Variants in SUSD1 observed in about 807,000 individuals in gnomAD.
SUSD1 encodes the protein sushi domain containing 1.
Under a neutral mutation model 86.9 loss-of-function variants are expected in SUSD1, and 65 were observed. The observed-to-expected ratio is 0.75, with a 90% CI of 0.61 to 0.92. The LOEUF is 0.92. Among genes scored for constraint, SUSD1 ranks in the 40% least tolerant of loss-of-function variants. The pLI is 0.00. For synonymous variants in SUSD1, 346 were observed against 350.0 expected (o/e 0.99, Z 0.13); for missense variants, 850 against 929.7 (o/e 0.91, Z 1.11).
intron 5 of SUSD1, among the ~76,000 whole-genome samples, chr9:112,136,898 C>T (rs1214341400): frequency 1.3e-5 from 2 of 152,102 alleles, no homozygotes; most frequent in East Asian, 1.9e-4. Flanking sequence ...CCCTTCTGGC[C>T]GGGTCCTAGA....
At chr9:112,140,996 A>T (rs1434142855) in intron 5 of SUSD1, among the ~76,000 whole-genome samples, 1 of 152,260 alleles carries the variant, frequency 6.6e-6, no homozygotes, top group Non-Finnish European at 1.5e-5. Flanking sequence ...AAAGATAAAA[A>T]AATGATACAC....
In SUSD1 at chr9:112,112,798, T is replaced by C. The variant is rs1216029595; in HGVS notation, c.957A>G (p.Arg319=). Residue 319 remains arginine (R), a synonymous_variant, in exon 7 of 17, where the codon AGA becomes AGG. Transcript: ENST00000374270. ...CATATGAGATCTTGGGGTTTATTCT[T>C]CTTGAGTTTATTTGCCATCTCACAC... is the stretch of plus-strand genomic sequence containing the variant. ...DTCVRWQINS[R]RINPKISYVI... is the part of the protein sequence containing the mutation. 3.1e-6 allele frequency: 5 copies of C among 1,612,950 alleles called. No homozygotes were observed. The highest frequency in any genetic ancestry group is 1.1e-5 in the South Asian group (1 of 91,058).
At chr9:112,073,932 A>T (rs1829401556) in intron 12 of SUSD1, among the ~76,000 whole-genome samples, 1 of 151,978 alleles carries the variant, frequency 6.6e-6, no homozygotes, top group African/African-American at 2.4e-5. Flanking sequence ...AAGGAAGGGA[A>T]GGAGGCCAGT....
intron 2 of SUSD1, among the ~76,000 whole-genome samples, chr9:112,155,107 C>A (rs76298356): frequency 0.13 from 19,264 of 151,928 alleles, 1,609 homozygotes; most frequent in East Asian, 0.34. Context: ...AAAAATTAGC[C>A]GGGCGTGGTG....
chr9:112,120,950 T>G (rs1351435988), intron 6 of SUSD1, among the ~76,000 whole-genome samples: 1 of 152,214 alleles, frequency 6.6e-6, no homozygotes, highest in Non-Finnish European at 1.5e-5. Flanking sequence ...TCGGGAATAC[T>G]TCCCCAAACA....
intron 10 of SUSD1, among the ~76,000 whole-genome samples, chr9:112,089,650 A>G (rs868281099): frequency 2.6e-5 from 4 of 152,168 alleles, no homozygotes; most frequent in Admixed American, 6.5e-5. Flanking sequence ...TGTCTTTACT[A>G]AAAATACAAA....
intron 5 of SUSD1, among the ~76,000 whole-genome samples, chr9:112,140,190 G>A (rs191887908): frequency 7.8e-6 from 1 of 127,910 alleles, no homozygotes; most frequent in East Asian, 2.0e-4. Context: ...GTGAAACCCC[G>A]TCTCTACCAA....
chr9:112,055,982 T>G (rs1828430318), intron 14 of SUSD1, among the ~76,000 whole-genome samples: 2 of 152,172 alleles, frequency 1.3e-5, no homozygotes, highest in South Asian at 4.1e-4. Flanking sequence ...AAAGTAGGGC[T>G]GGGCGTGATG....
At chr9:112,053,201 T>C (rs1166831362) in intron 14 of SUSD1, among the ~76,000 whole-genome samples, 1 of 152,064 alleles carries the variant, frequency 6.6e-6, no homozygotes, top group African/African-American at 2.4e-5. Flanking sequence ...TAATTTTTTT[T>C]TTAATTTAAG....
At chr9:112,172,598 A>T (rs369420698) in intron 1 of SUSD1, among the ~76,000 whole-genome samples, 1 of 152,190 alleles carries the variant, frequency 6.6e-6, no homozygotes, top group Non-Finnish European at 1.5e-5. Context: ...ACAACTAATC[A>T]TCTTTCTTTC....
At position 112,051,513 on chromosome 9, in the gene SUSD1, C is replaced by A. The variant is rs1023949380; in HGVS notation, c.2149+886G>T. ...ATGGCGCGATCTCGGCTCACCGCAA[C>A]CTTTGCCTCCCGGGTTCAAGTGATT... On this transcript the variant is annotated intron_variant, in intron 15 of 16. Transcript: ENST00000374270. 3.8e-4 allele frequency among the ~76,000 whole-genome samples: 56 copies of A among 148,578 alleles called. 1 individual carries two copies. The highest frequency in any genetic ancestry group is 1.2e-3 in the African/African-American group (50 of 40,146).
rs564151323 is a variant in SUSD1 at position 112,139,515 on chromosome 9, G to A, written c.706+2805C>T. Reference sequence around the variant, plus strand: ...GGCTGGAGGGCAGGGTGTGATCATGGCTCACTGCAGCCTCAACCTCACAGG... The same window carrying A: ...GGCTGGAGGGCAGGGTGTGATCATGACTCACTGCAGCCTCAACCTCACAGG... On this transcript the variant is annotated intron_variant, in intron 5 of 16. Coordinates refer to ENST00000374270, the MANE Select transcript of SUSD1 (RefSeq NM_022486.5). Among the ~76,000 whole-genome samples the A allele has an allele frequency of 3.9e-4, 60 of 152,066 alleles. 1 individual carries two copies. The highest frequency in any genetic ancestry group is 1.3e-3 in the African/African-American group (54 of 41,476).
chr9:112,153,795 G>A (rs1833174135), intron 2 of SUSD1, among the ~76,000 whole-genome samples: 1 of 151,698 alleles, frequency 6.6e-6, no homozygotes, highest in Non-Finnish European at 1.5e-5. Flanking sequence ...TGTATTTTTA[G>A]TAGAGATGGG....
chr9:112,172,275 C>CCTCT (rs1442120478), intron 1 of SUSD1, among the ~76,000 whole-genome samples: 2 of 152,090 alleles, frequency 1.3e-5, no homozygotes, highest in African/African-American at 4.8e-5. Flanking sequence ...TAGCTCTCAC[C>CCTCT]CTCTCTCCTC....
intron 8 of SUSD1, chr9:112,104,858 A>G (rs1272845551): frequency 6.6e-6 from 1 of 152,204 alleles, no homozygotes; most frequent in Non-Finnish European, 1.5e-5. Context: ...CTGCAAAATG[A>G]TTCTACAAAG....
chr9:112,142,196 A>T, intron 5 of SUSD1, 124 bp downstream of exon 5: 1 of 778,752 alleles, frequency 1.3e-6, no homozygotes, highest in African/African-American at 1.8e-5. Context: ...AATCTATGAG[A>T]AACAAATAGG....
chr9:112,128,236 G>A (rs1306148071), intron 5 of SUSD1, among the ~76,000 whole-genome samples: 1 of 151,930 alleles, frequency 6.6e-6, no homozygotes, highest in East Asian at 1.9e-4. Context: ...GGGACTACAG[G>A]CATGCACCAC....
At chr9:112,146,340 T>C (rs1411600452) in intron 3 of SUSD1, among the ~76,000 whole-genome samples, 1 of 152,146 alleles carries the variant, frequency 6.6e-6, no homozygotes, top group Non-Finnish European at 1.5e-5. Context: ...TAGCACAACT[T>C]TGTGAATATA....
At chr9:112,138,708 A>G (rs1162540971) in intron 5 of SUSD1, among the ~76,000 whole-genome samples, 1 of 152,174 alleles carries the variant, frequency 6.6e-6, no homozygotes, top group Non-Finnish European at 1.5e-5. Flanking sequence ...TTGGCCTCCC[A>G]AAGTGCTGAG....
Sources: gnomAD v4.1 joint callset for allele counts (sites outside exome capture counted in the v4.1 genomes callset) on GRCh38, gnomAD v4.1.1 for gene constraint, MANE v1.5 for transcripts, NCBI Gene and HGNC (gene_info 2026-07-23, HGNC 2026-07-21) for gene names.